SHC4: variants seen among roughly 807,000 people sequenced by gnomAD.
SHC4 encodes the protein SHC-transforming protein 4.
Under a neutral mutation model 69.4 loss-of-function variants are expected in SHC4, and 41 were observed. That is an observed-to-expected ratio of 0.59 (90% CI 0.46 to 0.77). The LOEUF (loss-of-function observed/expected upper bound fraction) is 0.77. Ranked by LOEUF, SHC4 falls within the 30% of genes least tolerant of loss-of-function variation. The pLI is 0.00. For synonymous variants in SHC4, 318 were observed against 299.3 expected (o/e 1.06, Z -0.64); for missense variants, 777 against 783.8 (o/e 0.99, Z 0.10).
At chr15:48,921,655 CAG>C (rs1900755802) in intron 2 of SHC4, among the ~76,000 whole-genome samples, 1 of 152,120 alleles carries the variant, frequency 6.6e-6, no homozygotes, top group Non-Finnish European at 1.5e-5. Flanking sequence ...TTAATGAGTA[CAG>C]AGTTTAATGC....
chr15:48,886,296 T>A (rs116478587), intron 3 of SHC4, among the ~76,000 whole-genome samples: 1,624 of 152,130 alleles, frequency 0.011, 35 homozygotes, highest in African/African-American at 0.037. Context: ...CAAATTAAAT[T>A]ATAACACTGT....
chr15:48,882,139 G>T (rs1402917650), intron 4 of SHC4, among the ~76,000 whole-genome samples: 1 of 152,096 alleles, frequency 6.6e-6, no homozygotes, highest in Non-Finnish European at 1.5e-5. Flanking sequence ...TATCCACAAG[G>T]TCTCTCATCT....
At chr15:48,892,085 G>C (rs972071958) in intron 2 of SHC4, among the ~76,000 whole-genome samples, 6 of 152,178 alleles carry the variant, frequency 3.9e-5, no homozygotes, top group Non-Finnish European at 8.8e-5. Flanking sequence ...TCGATCTCCT[G>C]ACCTCGTTAT....
At chr15:48,896,647 A>G (rs1900227585) in intron 2 of SHC4, among the ~76,000 whole-genome samples, 1 of 152,052 alleles carries the variant, frequency 6.6e-6, no homozygotes. Flanking sequence ...TCCATTTAAG[A>G]AGGTCCACTC....
At chr15:48,897,054 C>A (rs1443822219) in intron 2 of SHC4, among the ~76,000 whole-genome samples, 1 of 152,222 alleles carries the variant, frequency 6.6e-6, no homozygotes, top group African/African-American at 2.4e-5. Flanking sequence ...CAAGCAGCTG[C>A]GCTCCTGCAG....
intron 2 of SHC4, among the ~76,000 whole-genome samples, chr15:48,892,199 C>T (rs1261213403): frequency 6.6e-6 from 1 of 152,120 alleles, no homozygotes; most frequent in Non-Finnish European, 1.5e-5. Flanking sequence ...TTTTGTAGTG[C>T]AGAGCGATGT....
chr15:48,864,436 CTTTTTTTTTTTTTTT>C (rs35549079), intron 6 of SHC4, among the ~76,000 whole-genome samples: 4 of 55,010 alleles, frequency 7.3e-5, no homozygotes, highest in African/African-American at 2.8e-4. Context: ...ATACCACTTT[CTTTTTTTTTTTTTTT>C]TTTTTTTTTT....
chr15:48,864,206 T>C (rs1899509059), intron 6 of SHC4, among the ~76,000 whole-genome samples: 1 of 152,182 alleles, frequency 6.6e-6, no homozygotes, highest in African/African-American at 2.4e-5. Context: ...TTGCATTGCA[T>C]ATGATATCTC....
In SHC4 at chr15:48,904,918, A is replaced by G. The variant is rs953684695; in HGVS notation, c.657-14107T>C. Among the ~76,000 whole-genome samples, 13 of 138,054 alleles carry G rather than the reference A, an allele frequency of 9.4e-5. 1 individual carries two copies. Among genetic ancestry groups the G allele is most frequent in the South Asian group, 2.4e-4 (1 of 4,204 alleles). 90.6% of individuals were successfully genotyped at this position (138,054 alleles called of 152,430 possible). On this transcript the variant is annotated intron_variant, in intron 2 of 11. Transcript: ENST00000332408. ...CTGTCTCTAAACACGACACACACGC[A>G]CACACACACACACACAGACACAACA... is the stretch of plus-strand genomic sequence containing the variant.
intron 6 of SHC4, among the ~76,000 whole-genome samples, chr15:48,865,229 C>T (rs1243248835): frequency 3.3e-5 from 5 of 152,248 alleles, no homozygotes; most frequent in African/African-American, 1.2e-4. Context: ...CACCTCTTTG[C>T]GGGCACTGTC....
At chr15:48,892,400 T>C (rs1297665844) in intron 2 of SHC4, among the ~76,000 whole-genome samples, 2 of 152,166 alleles carry the variant, frequency 1.3e-5, no homozygotes, top group African/African-American at 4.8e-5. Flanking sequence ...TTGGTTAGCA[T>C]ATATTCTCAG....
At chr15:48,950,744 A>G (rs1041691231) in intron 1 of SHC4, among the ~76,000 whole-genome samples, 1 of 152,150 alleles carries the variant, frequency 6.6e-6, no homozygotes, top group Non-Finnish European at 1.5e-5. Context: ...GACTTGGACA[A>G]CAGGGAGGCA....
intron 4 of SHC4, among the ~76,000 whole-genome samples, chr15:48,875,129 C>T (rs1216927242): frequency 2.0e-5 from 3 of 152,172 alleles, no homozygotes; most frequent in Admixed American, 1.3e-4. Context: ...ACTTAAAATA[C>T]CAGTTCATTA....
intron 1 of SHC4, among the ~76,000 whole-genome samples, chr15:48,935,916 TA>T (rs1405449554): frequency 6.6e-6 from 1 of 152,126 alleles, no homozygotes; most frequent in Non-Finnish European, 1.5e-5. Flanking sequence ...ATAATATGTA[TA>T]TTATAATCTA....
intron 4 of SHC4, chr15:48,878,122 C>T: frequency 6.6e-7 from 1 of 1,507,874 alleles, no homozygotes; most frequent in African/African-American, 1.4e-5. Flanking sequence ...AACGCACGGC[C>T]GCGCAGCATC....
chr15:48,888,716 A>G (rs1900081806), intron 3 of SHC4, among the ~76,000 whole-genome samples: 1 of 151,910 alleles, frequency 6.6e-6, no homozygotes, highest in Non-Finnish European at 1.5e-5. Context: ...CCAAAATGGT[A>G]AAACCTCATT....
At position 48,834,792 on chromosome 15, in the gene SHC4, G is replaced by T; in HGVS notation, c.1714C>A (p.Leu572Ile). 1 of 1,614,142 alleles carries T rather than the reference G, an allele frequency of 6.2e-7. No individual in the cohort carries two copies. The highest frequency in any genetic ancestry group is 8.5e-7 in the Non-Finnish European group (1 of 1,180,004). Residue 572 changes from leucine (L) to isoleucine (I), a missense_variant, in exon 11 of 12, where the codon CTC becomes ATC. Transcript: ENST00000332408. ...ACCTTGCCTTCAGGATCCACCAGGA[G>T]AAGATGTTTTGCTTGGCCTCCCTGT... ...GLQGGQAKHL[L>I]LVDPEGKVRT...
chr15:48,944,077 C>G (rs1901228584), intron 1 of SHC4, among the ~76,000 whole-genome samples: 1 of 151,920 alleles, frequency 6.6e-6, no homozygotes, highest in South Asian at 2.1e-4. Flanking sequence ...ATGTCTTCTT[C>G]AGAAAAAGGT....
intron 2 of SHC4, among the ~76,000 whole-genome samples, chr15:48,895,266 T>C (rs1267750507): frequency 6.6e-6 from 1 of 152,078 alleles, no homozygotes; most frequent in African/African-American, 2.4e-5. Context: ...ACTGTACAAA[T>C]AACGCAATTG....
Sources: gnomAD v4.1 joint callset for allele counts (sites outside exome capture counted in the v4.1 genomes callset) on GRCh38, gnomAD v4.1.1 for gene constraint, MANE v1.5 for transcripts, NCBI Gene and HGNC (gene_info 2026-07-23, HGNC 2026-07-21) for gene names.